RAD51B: variants seen among roughly 807,000 people sequenced by gnomAD.
RAD51B encodes RAD51 paralog B, also known as DNA repair protein RAD51 homolog 2.
In RAD51B, 38 loss-of-function variants were observed where a neutral mutation model predicts 42.2. The ratio of observed to expected loss-of-function variants is 0.90; its 90% confidence interval spans 0.70 to 1.18. The LOEUF is 1.18. Among genes scored for constraint, RAD51B ranks in the 50% most tolerant of loss-of-function variants. RAD51B has a pLI of 0.00. For synonymous variants in RAD51B, 154 were observed against 145.2 expected, an observed-to-expected ratio of 1.06 and a Z score of -0.43; for missense variants, 373 against 400.7, an observed-to-expected ratio of 0.93 and a Z score of 0.59.
At chr14:68,506,580 C>T (rs1885340909) in intron 10 of RAD51B, among the ~76,000 whole-genome samples, 2 of 152,244 alleles carry the variant, frequency 1.3e-5, no homozygotes, top group African/African-American at 4.8e-5. Context: ...TATAAACATC[C>T]TTGGCTCCCC....
chr14:68,595,415 G>A, exon 11 of RAD51B: 1 of 1,066,508 alleles, frequency 9.4e-7, no homozygotes, highest in Non-Finnish European at 1.1e-6. Context: ...AATGAATTGA[G>A]TATAACTGTC....
chr14:68,572,334 A>T (rs1266793255), intron 10 of RAD51B, among the ~76,000 whole-genome samples: 1 of 152,230 alleles, frequency 6.6e-6, no homozygotes, highest in Non-Finnish European at 1.5e-5. Context: ...TGCCTCCCAG[A>T]CGTCACACCT....
intron 8 of RAD51B, among the ~76,000 whole-genome samples, chr14:68,373,155 C>T (rs961421506): frequency 6.6e-6 from 1 of 152,236 alleles, no homozygotes; most frequent in African/African-American, 2.4e-5. Context: ...AAACTATCTT[C>T]TTTGAGAGTG....
At position 68,572,873 on chromosome 14, in the gene RAD51B, C is replaced by T. The variant is rs1229457992; in HGVS notation, c.1037-21612C>T. ...ACCTCAGGTACTGTACATGTTTTCG[C>T]TCATTTAATCCTCATCACAACCCTA... On this transcript the variant is annotated intron_variant, in intron 10 of 10. Transcript: ENST00000487270. Among the ~76,000 whole-genome samples, 5 of 152,294 alleles carry T rather than the reference C, an allele frequency of 3.3e-5. No homozygotes were observed. In the East Asian group the frequency reaches 9.7e-4, roughly 29 times the overall value.
At chr14:68,408,302 A>G (rs577849210) in intron 8 of RAD51B, among the ~76,000 whole-genome samples, 3 of 152,352 alleles carry the variant, frequency 2.0e-5, no homozygotes, top group Non-Finnish European at 4.4e-5. Context: ...GTTTTAAACC[A>G]GATTAACTGG....
intron 7 of RAD51B, among the ~76,000 whole-genome samples, chr14:68,190,932 G>C (rs2079252689): frequency 6.6e-6 from 1 of 151,976 alleles, no homozygotes; most frequent in Non-Finnish European, 1.5e-5. Flanking sequence ...ATAATGAAAT[G>C]GAAGATTCAA....
intron 8 of RAD51B, among the ~76,000 whole-genome samples, chr14:68,382,533 A>G (rs919027181): frequency 2.6e-5 from 4 of 152,250 alleles, no homozygotes; most frequent in African/African-American, 9.6e-5. Context: ...AACAGTTATT[A>G]CAGATGACAC....
intron 11 of RAD51B, among the ~76,000 whole-genome samples, chr14:68,656,949 C>T (rs1212294124): frequency 6.6e-6 from 1 of 152,186 alleles, no homozygotes; most frequent in African/African-American, 2.4e-5. Context: ...GATGAGTTTG[C>T]AGCTGAATAA....
intron 7 of RAD51B, among the ~76,000 whole-genome samples, chr14:68,064,859 A>G (rs191112832): frequency 2.0e-5 from 3 of 152,114 alleles, no homozygotes; most frequent in Admixed American, 6.5e-5. Context: ...TGAATTTCTC[A>G]TTGAGATAAT....
chr14:68,547,499 G>T (rs1888297253), intron 10 of RAD51B, among the ~76,000 whole-genome samples: 2 of 152,238 alleles, frequency 1.3e-5, no homozygotes, highest in African/African-American at 2.4e-5. Flanking sequence ...GAAGGAAGGA[G>T]TGTTGGGGTC....
intron 7 of RAD51B, among the ~76,000 whole-genome samples, chr14:67,999,306 T>G (rs1430541678): frequency 6.6e-6 from 1 of 152,202 alleles, no homozygotes; most frequent in African/African-American, 2.4e-5. Flanking sequence ...AAGCTCATTA[T>G]ATGAGGAAAA....
chr14:68,255,172 A>G (rs1294037305), intron 7 of RAD51B, among the ~76,000 whole-genome samples: 1 of 151,734 alleles, frequency 6.6e-6, no homozygotes, highest in East Asian at 1.9e-4. Flanking sequence ...CACTAAAAAC[A>G]TTAATATCTT....
At chr14:68,153,247 C>G (rs1375525176) in intron 7 of RAD51B, among the ~76,000 whole-genome samples, 1 of 151,926 alleles carries the variant, frequency 6.6e-6, no homozygotes, top group Non-Finnish European at 1.5e-5. Context: ...ATCCCACACT[C>G]GATTTTGTTT....
intron 9 of RAD51B, among the ~76,000 whole-genome samples, chr14:68,456,720 C>G (rs907685113): frequency 1.3e-5 from 2 of 152,116 alleles, no homozygotes; most frequent in African/African-American, 2.4e-5. Context: ...AAACAATACT[C>G]TATGCCAACT....
At chr14:68,627,043 C>T (rs1241162388) in intron 10 of RAD51B, 1 of 152,232 alleles carries the variant, frequency 6.6e-6, no homozygotes, top group Non-Finnish European at 1.5e-5. Context: ...CCCCAAGGTA[C>T]ATTCTTTGAC....
intron 10 of RAD51B, among the ~76,000 whole-genome samples, chr14:68,645,538 T>G (rs934232885): frequency 1.3e-5 from 2 of 152,210 alleles, no homozygotes; most frequent in African/African-American, 4.8e-5. Context: ...TGGATTCTAA[T>G]ACAGTAATTC....
chr14:68,584,286 C>T (rs765964709), intron 10 of RAD51B, among the ~76,000 whole-genome samples: 16 of 151,892 alleles, frequency 1.1e-4, no homozygotes, highest in South Asian at 2.1e-4. Flanking sequence ...CCTCAGCTGC[C>T]GGAATCTAGG....
intron 5 of RAD51B, among the ~76,000 whole-genome samples, chr14:67,878,661 C>G (rs1239059362): frequency 6.6e-6 from 1 of 151,904 alleles, no homozygotes; most frequent in African/African-American, 2.4e-5. Context: ...TAACTATTAT[C>G]TATTATGCAG....
intron 4 of RAD51B, among the ~76,000 whole-genome samples, chr14:67,863,045 T>C (rs1012123156): frequency 6.6e-5 from 10 of 152,064 alleles, no homozygotes; most frequent in Non-Finnish European, 2.9e-5. Context: ...TTTACTGATC[T>C]CTCATAATCT....
Sources: gnomAD v4.1 joint callset for allele counts (sites outside exome capture counted in the v4.1 genomes callset) on GRCh38, gnomAD v4.1.1 for gene constraint, MANE v1.5 for transcripts, NCBI Gene and HGNC (gene_info 2026-07-23, HGNC 2026-07-21) for gene names.